Variants in NXPH1 observed in about 807,000 individuals in gnomAD.
NXPH1 encodes neurexophilin-1.
A neutral mutation model predicts 23.7 loss-of-function variants in NXPH1; 5 were observed. That is an observed-to-expected ratio of 0.21 (90% CI 0.11 to 0.44). The LOEUF is 0.44. Ranked by LOEUF, NXPH1 falls within the 20% of genes least tolerant of loss-of-function variation. The pLI is 0.99. For synonymous variants in NXPH1, 144 were observed against 122.2 expected (o/e 1.18, Z -1.18); for missense variants, 324 against 321.6 (o/e 1.01, Z -0.06).
At chr7:8,658,279 T>C (rs1820613658) in intron 2 of NXPH1, among the ~76,000 whole-genome samples, 1 of 152,234 alleles carries the variant, frequency 6.6e-6, no homozygotes, top group Non-Finnish European at 1.5e-5. Context: ...TACTATGTTT[T>C]ATTCTTTTTA....
intron 2 of NXPH1, among the ~76,000 whole-genome samples, chr7:8,695,283 A>G (rs562365270): frequency 6.6e-6 from 1 of 152,294 alleles, no homozygotes; most frequent in Admixed American, 6.5e-5. Flanking sequence ...AGTTAGGGTT[A>G]TCTTCATAGC....
At chr7:8,644,575 ATT>A (rs112762667) in intron 2 of NXPH1, among the ~76,000 whole-genome samples, 3 of 150,158 alleles carry the variant, frequency 2.0e-5, no homozygotes, top group African/African-American at 7.3e-5. Context: ...ATTTTAGACT[ATT>A]TTTTTTTAGC....
At chr7:8,485,861 A>G (rs1451840892) in intron 2 of NXPH1, among the ~76,000 whole-genome samples, 4 of 152,206 alleles carry the variant, frequency 2.6e-5, no homozygotes, top group Non-Finnish European at 4.4e-5. Flanking sequence ...ACCAAGATGA[A>G]TAAACTTAAA....
chr7:8,575,818 G>A (rs1395862620), intron 2 of NXPH1, among the ~76,000 whole-genome samples: 1 of 151,712 alleles, frequency 6.6e-6, no homozygotes, highest in Non-Finnish European at 1.5e-5. Context: ...CTTATGTATA[G>A]GCCCATTTTA....
At chr7:8,571,014 TGTCTATCTAATCTAATCTA>T (rs1456752244) in intron 2 of NXPH1, among the ~76,000 whole-genome samples, 1 of 135,458 alleles carries the variant, frequency 7.4e-6, no homozygotes, top group Admixed American at 8.0e-5. Context: ...TCTATCTGTC[TGTCTATCTAATCTAATCTA>T]ATCTAATCTA....
At chr7:8,652,894 A>T (rs527903291) in intron 2 of NXPH1, among the ~76,000 whole-genome samples, 25 of 152,282 alleles carry the variant, frequency 1.6e-4, no homozygotes, top group Admixed American at 4.6e-4. Flanking sequence ...ATTTTTAAGA[A>T]CAAGTACAAT....
At chr7:8,499,755 A>T (rs901363861) in intron 2 of NXPH1, among the ~76,000 whole-genome samples, 1 of 152,168 alleles carries the variant, frequency 6.6e-6, no homozygotes, top group African/African-American at 2.4e-5. Flanking sequence ...GCTATTTTTG[A>T]GGCCTTTACT....
intron 2 of NXPH1, among the ~76,000 whole-genome samples, chr7:8,470,052 T>C (rs1381950365): frequency 1.3e-5 from 2 of 152,148 alleles, no homozygotes; most frequent in East Asian, 3.8e-4. Flanking sequence ...TTATATGTCT[T>C]GTGTATGTAG....
rs1339222873 is a variant in NXPH1 at position 8,434,948 on chromosome 7, T to C, written c.-111+193T>C. 1.3e-5 allele frequency: 2 copies of C among 152,162 alleles called. No homozygotes were observed. Among genetic ancestry groups the C allele is most frequent in the Admixed American group, 6.5e-5 (1 of 15,278 alleles). The allele number at this position is 152,162 out of a possible 1,614,324, so 9.4% of individuals were successfully genotyped here. On this transcript the variant is annotated intron_variant, in intron 1 of 2. Transcript: ENST00000405863. This position sits in a 1 kb window ranked among gnomAD's most constrained non-coding sequence, Gnocchi z 7.6. Reference sequence around the variant, plus strand: ...GTACCCTTTGGCTCGAAAAAAGTAGTGCTAGAGATGTGACTGTGAGCATTC... The same window carrying C: ...GTACCCTTTGGCTCGAAAAAAGTAGCGCTAGAGATGTGACTGTGAGCATTC...
intron 2 of NXPH1, among the ~76,000 whole-genome samples, chr7:8,721,281 C>G (rs538335475): frequency 6.6e-6 from 1 of 151,582 alleles, no homozygotes; most frequent in South Asian, 2.1e-4. Context: ...AGTAAGACAG[C>G]AATAAAGTTA....
intron 2 of NXPH1, among the ~76,000 whole-genome samples, chr7:8,613,470 A>G (rs561355519): frequency 6.6e-5 from 10 of 152,124 alleles, no homozygotes; most frequent in African/African-American, 2.4e-4. Flanking sequence ...TTGATTCCTT[A>G]ACAAGCTGAG....
At chr7:8,561,305 C>G (rs1000578498) in intron 2 of NXPH1, among the ~76,000 whole-genome samples, 2 of 149,686 alleles carry the variant, frequency 1.3e-5, no homozygotes, top group African/African-American at 4.9e-5. Flanking sequence ...GTAGGGTCTC[C>G]TTACTTCTTG....
chr7:8,440,797 G>A (rs10269240), intron 2 of NXPH1, among the ~76,000 whole-genome samples: 108,641 of 151,906 alleles, frequency 0.72, 40,142 homozygotes, highest in East Asian at 0.9. Context: ...GGAAGAAGGA[G>A]CCTCGCATTG....
At chr7:8,646,909 G>T (rs1405184865) in intron 2 of NXPH1, among the ~76,000 whole-genome samples, 2 of 151,762 alleles carry the variant, frequency 1.3e-5, no homozygotes, top group Non-Finnish European at 2.9e-5. Context: ...GTGCATGATG[G>T]GTAGGAACTG....
chr7:8,716,522 C>T (rs1490173197), intron 2 of NXPH1, among the ~76,000 whole-genome samples: 1 of 152,112 alleles, frequency 6.6e-6, no homozygotes, highest in Non-Finnish European at 1.5e-5. Flanking sequence ...TTGTATCAGA[C>T]AGCAATAATT....
chr7:8,590,637 C>A (rs1819074308), intron 2 of NXPH1, among the ~76,000 whole-genome samples: 2 of 152,014 alleles, frequency 1.3e-5, no homozygotes, highest in African/African-American at 4.8e-5. Context: ...TCACATTCTG[C>A]TATTTGTAAA....
intron 2 of NXPH1, among the ~76,000 whole-genome samples, chr7:8,582,658 G>T (rs536338543): frequency 3.3e-5 from 5 of 152,114 alleles, no homozygotes; most frequent in Non-Finnish European, 7.4e-5. Context: ...CTGTGTCTAG[G>T]GGGTTTTTAT....
At chr7:8,561,799 A>C (rs1051487567) in intron 2 of NXPH1, among the ~76,000 whole-genome samples, 1 of 151,714 alleles carries the variant, frequency 6.6e-6, no homozygotes, top group African/African-American at 2.4e-5. Context: ...TATTTACATA[A>C]AAAGAGAGTG....
chr7:8,522,113 T>C (rs572556300), intron 2 of NXPH1, among the ~76,000 whole-genome samples: 2 of 152,352 alleles, frequency 1.3e-5, no homozygotes, highest in Non-Finnish European at 2.9e-5. Flanking sequence ...TTTCAAAATT[T>C]AGGACTACAA....
Sources: allele counts gnomAD v4.1 joint callset (sites outside exome capture counted in the v4.1 genomes callset), GRCh38; gene constraint gnomAD v4.1.1; non-coding constraint Gnocchi (gnomAD v3.1); transcripts MANE v1.5; gene names NCBI Gene and HGNC (gene_info 2026-07-23, HGNC 2026-07-21).